SCN11A: variants seen among roughly 807,000 people sequenced by gnomAD.
The protein encoded by SCN11A is sodium voltage-gated channel alpha subunit 11, also known as sodium channel protein type 11 subunit alpha.
SCN11A carries 122 observed loss-of-function variants against 162.2 expected under a neutral mutation model. The ratio of observed to expected loss-of-function variants is 0.75; its 90% CI spans 0.65 to 0.87. The LOEUF (loss-of-function observed/expected upper bound fraction) is 0.87, where lower values mean the gene tolerates loss of function less well. Ranked by LOEUF, SCN11A falls within the 40% of genes least tolerant of loss-of-function variation. SCN11A has a pLI of 0.00. For synonymous variants in SCN11A, 758 were observed against 751.5 expected (o/e 1.01, Z -0.14); for missense variants, 2,015 against 2,181.6 (o/e 0.92, Z 1.52).
chr3:38,936,752 C>T (rs2066339021), intron 7 of SCN11A, among the ~76,000 whole-genome samples: 1 of 152,176 alleles, frequency 6.6e-6, no homozygotes, highest in African/African-American at 2.4e-5. Context: ...ACATTCCATG[C>T]TCATGGATAG....
At chr3:38,931,993 A>G (rs945238943) in intron 7 of SCN11A, among the ~76,000 whole-genome samples, 2 of 152,256 alleles carry the variant, frequency 1.3e-5, no homozygotes, top group African/African-American at 2.4e-5. Flanking sequence ...GAAATGTAGT[A>G]CAATACTTGC....
chr3:38,955,932 C>T (rs1170181275), intron 3 of SCN11A, among the ~76,000 whole-genome samples: 1 of 152,146 alleles, frequency 6.6e-6, no homozygotes, highest in African/African-American at 2.4e-5. Context: ...CACATGTATA[C>T]CTATGTAACA....
rs149547996 is a variant in SCN11A at position 38,950,183 on chromosome 3, C to A, written c.180G>T (p.Arg60Ser). The change falls in exon 5 of 30, where the codon AGG becomes AGT. Residue 60 changes from arginine (R) to serine (S), a missense_variant. Arg to Ser is a moderately radical substitution (Grantham distance 110, BLOSUM62 -1). Transcript: ENST00000302328. ...PRPQLDLKAS[R>S]KLPKLYGDIP... ...TGTCGCCATAGAGCTTGGGCAACTT[C>A]CTGGAGGCCTTTAGGTCAAGCTGAG... 40 of 1,613,212 alleles carry A rather than the reference C, an allele frequency of 2.5e-5. No individual in the cohort carries two copies. The highest frequency in any genetic ancestry group is 3.2e-5 in the Non-Finnish European group (38 of 1,179,940).
At chr3:39,044,338 A>G (rs1043879182) in intron 1 of SCN11A, among the ~76,000 whole-genome samples, 2 of 152,216 alleles carry the variant, frequency 1.3e-5, no homozygotes, top group Non-Finnish European at 2.9e-5. Flanking sequence ...AGACATTTAC[A>G]GAACATTTTT....
At chr3:38,951,397 G>A (rs2066613455) in intron 4 of SCN11A, among the ~76,000 whole-genome samples, 1 of 152,230 alleles carries the variant, frequency 6.6e-6, no homozygotes, top group South Asian at 2.1e-4. Flanking sequence ...GCGGGGCAGG[G>A]CTTGGGACCT....
chr3:38,875,423 G>A (rs1038535945), intron 23 of SCN11A, among the ~76,000 whole-genome samples: 5 of 151,836 alleles, frequency 3.3e-5, no homozygotes, highest in African/African-American at 4.8e-5. Flanking sequence ...AACCATCTGG[G>A]CCTCTTGATG....
chr3:38,981,023 CTGTT>C (rs1174036036), intron 2 of SCN11A, among the ~76,000 whole-genome samples: 6 of 151,612 alleles, frequency 4.0e-5, no homozygotes, highest in Non-Finnish European at 8.8e-5. Flanking sequence ...GTATCTCACT[CTGTT>C]TGTCGGTAGC....
At chr3:39,004,459 C>T (rs564019751) in intron 2 of SCN11A, among the ~76,000 whole-genome samples, 1 of 152,128 alleles carries the variant, frequency 6.6e-6, no homozygotes, top group Non-Finnish European at 1.5e-5. Context: ...TAATGTGACA[C>T]CTCCAGCTTT....
At chr3:38,917,539 T>C (rs1168902367) in intron 11 of SCN11A, among the ~76,000 whole-genome samples, 1 of 152,208 alleles carries the variant, frequency 6.6e-6, no homozygotes, top group Non-Finnish European at 1.5e-5. Flanking sequence ...TGGAGGCTAT[T>C]AACCTTAACA....
At chr3:38,906,549 A>G (rs2126126541) in intron 14 of SCN11A, among the ~76,000 whole-genome samples, 1 of 152,062 alleles carries the variant, frequency 6.6e-6, no homozygotes, top group South Asian at 2.1e-4. Flanking sequence ...TTATCCCCAC[A>G]CTGTCCATCA....
chr3:38,868,051 A>C (rs753749776), intron 26 of SCN11A, among the ~76,000 whole-genome samples: 1 of 152,190 alleles, frequency 6.6e-6, no homozygotes, highest in African/African-American at 2.4e-5. Context: ...AATGGACACA[A>C]ATGGACTCCA....
intron 2 of SCN11A, among the ~76,000 whole-genome samples, chr3:38,988,527 C>T (rs1435935989): frequency 6.6e-6 from 1 of 152,092 alleles, no homozygotes; most frequent in Non-Finnish European, 1.5e-5. Context: ...TTCCCCTGTC[C>T]AGCCCTTACT....
At chr3:38,985,685 A>C (rs952721870) in intron 2 of SCN11A, among the ~76,000 whole-genome samples, 1 of 151,102 alleles carries the variant, frequency 6.6e-6, no homozygotes, top group Non-Finnish European at 1.5e-5. Context: ...CAACAGCATA[A>C]ATGCATTTGC....
chr3:39,023,327 T>A (rs193063343), intron 2 of SCN11A, among the ~76,000 whole-genome samples: 2 of 152,336 alleles, frequency 1.3e-5, no homozygotes, highest in Admixed American at 6.5e-5. Flanking sequence ...AAATTGTTCT[T>A]CATATACAGC....
intron 2 of SCN11A, among the ~76,000 whole-genome samples, chr3:39,030,758 G>A (rs1366516644): frequency 6.6e-6 from 1 of 151,904 alleles, no homozygotes; most frequent in African/African-American, 2.4e-5. Flanking sequence ...TTTGTGACAT[G>A]GTTTTTATAT....
chr3:39,005,602 C>G (rs6775033), intron 2 of SCN11A, among the ~76,000 whole-genome samples: 5,323 of 152,348 alleles, frequency 0.035, 194 homozygotes, highest in East Asian at 0.16. Flanking sequence ...CATGTGACTT[C>G]AGCCCTTGTT....
At chr3:38,974,709 A>AAAAAAGAAAAG (rs1553647127) in intron 2 of SCN11A, among the ~76,000 whole-genome samples, 22 of 130,446 alleles carry the variant, frequency 1.7e-4, no homozygotes, top group African/African-American at 3.3e-4. Flanking sequence ...AAAAAAAAAA[A>AAAAAAGAAAAG]AAAAGAAAAG....
chr3:38,947,281 C>T (rs1307100197), intron 5 of SCN11A, among the ~76,000 whole-genome samples: 2 of 152,170 alleles, frequency 1.3e-5, no homozygotes, highest in African/African-American at 4.8e-5. Flanking sequence ...TGCAATGAAT[C>T]TTAGAATAAG....
chr3:39,034,699 T>C (rs563458450), intron 1 of SCN11A, among the ~76,000 whole-genome samples: 6 of 152,298 alleles, frequency 3.9e-5, no homozygotes, highest in Admixed American at 1.3e-4. Context: ...TGATCTTACA[T>C]TGGGAAAAAC....
Sources: gnomAD v4.1 joint callset for allele counts (sites outside exome capture counted in the v4.1 genomes callset) on GRCh38, gnomAD v4.1.1 for gene constraint, MANE v1.5 for transcripts, NCBI Gene and HGNC (gene_info 2026-07-23, HGNC 2026-07-21) for gene names.